Variants in SEMA6D observed in about 807,000 individuals in gnomAD.
SEMA6D encodes the protein semaphorin 6D.
A neutral mutation model predicts 106.6 loss-of-function variants in SEMA6D; 35 were observed. That is an observed-to-expected ratio of 0.33 (90% CI 0.25 to 0.44). The LOEUF is 0.44. SEMA6D is among the 20% of genes least tolerant of loss of function. The probability of loss-of-function intolerance (pLI) is 1.00; values close to 1 mark genes in which losing one functional copy is unlikely to be tolerated. For missense variants in SEMA6D, 1,185 were observed against 1,345.9 expected (o/e 0.88, Z 1.87); for synonymous variants, 499 against 487.7 (o/e 1.02, Z -0.31).
intron 4 of SEMA6D, among the ~76,000 whole-genome samples, chr15:47,614,379 C>T (rs2076969141): frequency 6.6e-6 from 1 of 152,190 alleles, no homozygotes. Flanking sequence ...AATGGGTCAA[C>T]ATTGCTGCTG....
Position 47,753,668 on chromosome 15 carries a change from T to C in SEMA6D, c.-54-6077T>C, listed in dbSNP as rs149996034. 3.7e-3 allele frequency among the ~76,000 whole-genome samples: 559 copies of C among 152,250 alleles called. 3 individuals carry two copies. Among genetic ancestry groups the C allele is most frequent in the African/African-American group, 0.013 (541 of 41,548 alleles). ...AGGCTGAAGTCTCCATATGGAACCA[T>C]GGGCTGAGGCTAGTAAAGTCTTCGT... is the stretch of plus-strand genomic sequence containing the variant. On this transcript the variant is annotated intron_variant, in intron 1 of 18. Transcript: ENST00000536845.
intron 3 of SEMA6D, among the ~76,000 whole-genome samples, chr15:47,589,447 T>A (rs923487185): frequency 1.3e-5 from 2 of 152,200 alleles, no homozygotes; most frequent in African/African-American, 4.8e-5. Flanking sequence ...CTCCCCTGGA[T>A]CCTGCTGACA....
intron 1 of SEMA6D, among the ~76,000 whole-genome samples, chr15:47,295,280 A>C (rs946689039): frequency 4.6e-5 from 7 of 152,240 alleles, no homozygotes; most frequent in African/African-American, 1.7e-4. Context: ...ATGTATTAGA[A>C]GTTATTTTTG....
intron 4 of SEMA6D, among the ~76,000 whole-genome samples, chr15:47,646,658 C>T (rs147521010): frequency 1.3e-5 from 2 of 152,256 alleles, no homozygotes; most frequent in African/African-American, 4.8e-5. Flanking sequence ...ATACTTGAGA[C>T]CAGGCCTTCA....
chr15:47,297,936 G>A (rs2035869104), intron 1 of SEMA6D, among the ~76,000 whole-genome samples: 1 of 152,278 alleles, frequency 6.6e-6, no homozygotes, highest in African/African-American at 2.4e-5. Context: ...TTGTGGGGCT[G>A]AAATGAGGGA....
chr15:47,761,120 C>T (rs1299900113), intron 4 of SEMA6D, 38 bp from the exon 5 acceptor site: 1 of 1,612,150 alleles, frequency 6.2e-7, no homozygotes. Context: ...AAAATGTTCG[C>T]AGTTAAAAAC....
chr15:47,738,183 T>A (rs999233630), intron 1 of SEMA6D, among the ~76,000 whole-genome samples: 1 of 152,146 alleles, frequency 6.6e-6, no homozygotes, highest in East Asian at 1.9e-4. Context: ...CTGGTGTGTG[T>A]TGTTCCCCTC....
intron 2 of SEMA6D, among the ~76,000 whole-genome samples, chr15:47,436,103 C>T (rs2041691409): frequency 6.6e-6 from 1 of 152,050 alleles, no homozygotes; most frequent in Admixed American, 6.6e-5. Context: ...AAAAATTTGA[C>T]TTTGGGCCGA....
chr15:47,721,035 G>T (rs2079393336), intron 1 of SEMA6D, among the ~76,000 whole-genome samples: 1 of 152,150 alleles, frequency 6.6e-6, no homozygotes, highest in African/African-American at 2.4e-5. Flanking sequence ...GAAGCAGTTG[G>T]GGTATGCCAA....
At chr15:47,545,941 C>G (rs777306359) in intron 3 of SEMA6D, among the ~76,000 whole-genome samples, 6 of 152,018 alleles carry the variant, frequency 3.9e-5, no homozygotes, top group Non-Finnish European at 8.8e-5. Context: ...AGACAGGAAG[C>G]AGAAAGATGC....
intron 4 of SEMA6D, among the ~76,000 whole-genome samples, chr15:47,659,797 T>C (rs74377683): frequency 2.0e-5 from 3 of 152,126 alleles, no homozygotes; most frequent in Non-Finnish European, 4.4e-5. Flanking sequence ...AAATGAAAGA[T>C]GTTTAACCTC....
intron 1 of SEMA6D, among the ~76,000 whole-genome samples, chr15:47,334,454 A>G (rs1169949757): frequency 1.3e-5 from 2 of 152,204 alleles, no homozygotes; most frequent in Non-Finnish European, 2.9e-5. Flanking sequence ...CCCTCAACCC[A>G]TGGGATCTGA....
At chr15:47,566,897 T>A (rs995785521) in intron 3 of SEMA6D, among the ~76,000 whole-genome samples, 1 of 139,668 alleles carries the variant, frequency 7.2e-6, no homozygotes, top group Non-Finnish European at 1.6e-5. Context: ...TTTGCTTTGT[T>A]TATTTAAGAA....
At chr15:47,615,468 C>G (rs560768102) in intron 4 of SEMA6D, among the ~76,000 whole-genome samples, 2 of 152,250 alleles carry the variant, frequency 1.3e-5, no homozygotes, top group African/African-American at 4.8e-5. Flanking sequence ...TCTTTTTTAA[C>G]TGTAAAAATT....
intron 4 of SEMA6D, among the ~76,000 whole-genome samples, chr15:47,648,815 G>A (rs575237667): frequency 3.3e-5 from 5 of 152,088 alleles, no homozygotes; most frequent in African/African-American, 9.6e-5. Context: ...TTAGAAGTTC[G>A]GTGATGTTTT....
At chr15:47,575,290 T>A (rs2076136462) in intron 3 of SEMA6D, among the ~76,000 whole-genome samples, 1 of 151,968 alleles carries the variant, frequency 6.6e-6, no homozygotes, top group South Asian at 2.1e-4. Flanking sequence ...TATTCTAAAG[T>A]GGTTAGGCAG....
At chr15:47,699,383 A>G (rs979627609) in intron 4 of SEMA6D, among the ~76,000 whole-genome samples, 10 of 152,194 alleles carry the variant, frequency 6.6e-5, no homozygotes, top group African/African-American at 2.4e-4. Flanking sequence ...ACATGAGGAA[A>G]TTAAAACTCA....
At chr15:47,393,049 C>T (rs948248396) in intron 1 of SEMA6D, among the ~76,000 whole-genome samples, 1 of 152,170 alleles carries the variant, frequency 6.6e-6, no homozygotes, top group East Asian at 1.9e-4. Context: ...TTCGCCAGTC[C>T]CAAAGAATTG....
At position 47,765,991 on chromosome 15, in the gene SEMA6D, G is replaced by A. The variant is rs138906871; in HGVS notation, c.1550G>A (p.Arg517His). The A allele has an allele frequency of 2.9e-5, 46 of 1,600,930 alleles. No individual in the cohort carries two copies. The African/African-American group carries it at 3.3e-4, about 12-fold the overall frequency. The stretch of plus-strand genomic sequence containing the variant: ...CGCATCCCCCTCAGTCGCTGTGAGC[G>A]TTATGGATCATGTAAAAAGTAAGCT... ...IIRIPLSRCE[R>H]YGSCKKSCIA... Residue 517 changes from arginine (R) to histidine (H), a missense_variant, in exon 14 of 19, where the codon CGT (arginine) becomes CAT (histidine). Around this residue, in one of 3 missense-constraint regions of SEMA6D, gnomAD observed 750 missense variants for 783.5 expected, o/e 0.96. Transcript: ENST00000536845.
Sources: gnomAD v4.1 joint callset for allele counts (sites outside exome capture counted in the v4.1 genomes callset) on GRCh38, gnomAD v4.1.1 for gene constraint, gnomAD v4.1.1 regional missense constraint, MANE v1.5 for transcripts, NCBI Gene and HGNC (gene_info 2026-07-23, HGNC 2026-07-21) for gene names.